Variants in COG5 observed in about 807,000 individuals in gnomAD.
COG5 encodes the protein component of oligomeric golgi complex 5, also known as conserved oligomeric Golgi complex subunit 5.
COG5 carries 86 observed loss-of-function variants against 110.4 expected under a neutral mutation model. The ratio of observed to expected loss-of-function variants is 0.78; its 90% CI spans 0.65 to 0.93. COG5 has a LOEUF of 0.93. Ranked by LOEUF, COG5 falls within the 40% of genes least tolerant of loss-of-function variation. The probability of loss-of-function intolerance (pLI) is 0.00; values close to 1 mark genes in which losing one functional copy is unlikely to be tolerated. For missense variants in COG5, 1,077 were observed against 987.0 expected (o/e 1.09, Z -1.22); for synonymous variants, 360 against 334.6 (o/e 1.08, Z -0.83).
intron 6 of COG5, among the ~76,000 whole-genome samples, chr7:107,525,014 G>A (rs796624530): frequency 9.9e-5 from 15 of 151,956 alleles, no homozygotes; most frequent in African/African-American, 3.6e-4. Context: ...TGCAACCTCC[G>A]CCTCCTGGGT....
intron 7 of COG5, among the ~76,000 whole-genome samples, chr7:107,381,495 T>C (rs544133511): frequency 1.8e-4 from 27 of 152,330 alleles, no homozygotes; most frequent in African/African-American, 4.8e-4. Flanking sequence ...TTGGAAACCA[T>C]AGAGATAACC....
chr7:107,415,462 C>G (rs1792653634), intron 6 of COG5, among the ~76,000 whole-genome samples: 2 of 151,724 alleles, frequency 1.3e-5, no homozygotes, highest in South Asian at 4.2e-4. Flanking sequence ...ACATGTATAA[C>G]TTCCATAATA....
At chr7:107,291,575 G>A (rs1315123354) in intron 12 of COG5, among the ~76,000 whole-genome samples, 1 of 152,182 alleles carries the variant, frequency 6.6e-6, no homozygotes, top group Non-Finnish European at 1.5e-5. Context: ...GTCACCTTGA[G>A]ATGGCAGTGC....
chr7:107,428,053 C>T (rs1245138752), intron 6 of COG5, among the ~76,000 whole-genome samples: 4 of 151,234 alleles, frequency 2.6e-5, no homozygotes, highest in Non-Finnish European at 4.4e-5. Flanking sequence ...AAGGTGGGCT[C>T]GACAGTATAA....
chr7:107,322,606 G>T (rs144654551), intron 11 of COG5, among the ~76,000 whole-genome samples: 2 of 152,068 alleles, frequency 1.3e-5, no homozygotes, highest in African/African-American at 2.4e-5. Context: ...GGAGCAACTG[G>T]AACTATCACA....
At chr7:107,535,762 A>T (rs1449275773) in intron 5 of COG5, among the ~76,000 whole-genome samples, 2 of 152,200 alleles carry the variant, frequency 1.3e-5, no homozygotes, top group Non-Finnish European at 2.9e-5. Flanking sequence ...TCCTTCTAAA[A>T]CTATTCTAAA....
intron 16 of COG5, among the ~76,000 whole-genome samples, chr7:107,254,792 T>C (rs747193893): frequency 6.6e-6 from 1 of 152,192 alleles, no homozygotes; most frequent in African/African-American, 2.4e-5. Context: ...ACTCTCCAAG[T>C]GATTTTTATC....
intron 8 of COG5, 42 bp downstream of exon 8, chr7:107,372,552 GT>G (rs1424404633): frequency 2.5e-6 from 4 of 1,590,738 alleles, no homozygotes; most frequent in Admixed American, 3.3e-5. Flanking sequence ...AGACTTCTCA[GT>G]TATAAATAAA....
At position 107,407,612 on chromosome 7, in the gene COG5, ATCT is replaced by A. The variant is rs1441599165; in HGVS notation, c.669+4887_669+4889del. Among the ~76,000 whole-genome samples, 6 of 150,940 alleles carry A rather than the reference ATCT, an allele frequency of 4.0e-5. No individual in the cohort carries two copies. The East Asian group carries it at 1.2e-3, about 30-fold the overall frequency. ...AATATAATAAATAACATTATTAAGC[ATCT>A]TCTTTTTTTTTTTTTTTTCAAAGGT... is the stretch of plus-strand genomic sequence containing the variant. On this transcript the variant is annotated intron_variant, in intron 7 of 21. Transcript: ENST00000297135.
Position 107,327,614 on chromosome 7 carries a change from A to G in COG5, c.1027-3093T>C, listed in dbSNP as rs1809885528. 2.6e-5 allele frequency among the ~76,000 whole-genome samples: 4 copies of G among 152,186 alleles called. No individual in the cohort carries two copies. The South Asian group carries it at 8.3e-4, about 32-fold the overall frequency. ...TTCAACAATTAAAAAAACAAATACCATGATTAAAAAACAGGCAAAGGACTT... is the reference window on the plus strand; with the variant it reads ...TTCAACAATTAAAAAAACAAATACCGTGATTAAAAAACAGGCAAAGGACTT... On this transcript the variant is annotated intron_variant, in intron 10 of 21. Transcript: ENST00000297135.
At chr7:107,297,240 AT>A (rs1326319874) in intron 12 of COG5, among the ~76,000 whole-genome samples, 1 of 151,962 alleles carries the variant, frequency 6.6e-6, no homozygotes, top group South Asian at 2.1e-4. Flanking sequence ...ATTTATTCAC[AT>A]TTTTTCTTAT....
chr7:107,311,442 G>C (rs1202297448), intron 11 of COG5, among the ~76,000 whole-genome samples: 1 of 122,868 alleles, frequency 8.1e-6, no homozygotes, highest in Non-Finnish European at 1.6e-5. Flanking sequence ...GCCAGACTGC[G>C]GACTGCAGTG....
intron 5 of COG5, among the ~76,000 whole-genome samples, chr7:107,533,983 C>G (rs901167056): frequency 6.6e-6 from 1 of 151,690 alleles, no homozygotes; most frequent in Non-Finnish European, 1.5e-5. Context: ...AGAAACCCTA[C>G]AAGCCAGAAG....
At chr7:107,368,669 AT>A (rs1277104276) in intron 8 of COG5, among the ~76,000 whole-genome samples, 1 of 152,206 alleles carries the variant, frequency 6.6e-6, no homozygotes, top group Non-Finnish European at 1.5e-5. Flanking sequence ...AGATAAATGT[AT>A]GGACTACTTT....
intron 12 of COG5, among the ~76,000 whole-genome samples, chr7:107,288,562 T>C (rs1171952118): frequency 6.6e-6 from 1 of 152,156 alleles, no homozygotes; most frequent in Non-Finnish European, 1.5e-5. Context: ...TGTATTTTCC[T>C]GATCATCTTT....
intron 6 of COG5, among the ~76,000 whole-genome samples, chr7:107,434,984 A>G (rs1007186201): frequency 6.6e-6 from 1 of 151,944 alleles, no homozygotes; most frequent in Non-Finnish European, 1.5e-5. Context: ...AAAAAAAAAA[A>G]GAACAAAATC....
At chr7:107,523,687 C>T (rs1202654991) in intron 6 of COG5, among the ~76,000 whole-genome samples, 5 of 151,998 alleles carry the variant, frequency 3.3e-5, no homozygotes, top group East Asian at 1.9e-4. Flanking sequence ...TGGTGGTGGG[C>T]GCCTGTAATT....
chr7:107,502,897 T>C (rs1315967231), intron 6 of COG5, among the ~76,000 whole-genome samples: 6 of 152,038 alleles, frequency 3.9e-5, no homozygotes, highest in Non-Finnish European at 8.8e-5. Context: ...TCCCTGTAGC[T>C]TCTGAATACT....
At chr7:107,449,078 G>A (rs1023745493) in intron 6 of COG5, among the ~76,000 whole-genome samples, 2 of 151,960 alleles carry the variant, frequency 1.3e-5, no homozygotes, top group East Asian at 3.9e-4. Flanking sequence ...ACTGTAGTAC[G>A]AAAATCAAAC....
Sources: allele counts gnomAD v4.1 joint callset (sites outside exome capture counted in the v4.1 genomes callset), GRCh38; gene constraint gnomAD v4.1.1; transcripts MANE v1.5; gene names NCBI Gene and HGNC (gene_info 2026-07-23, HGNC 2026-07-21).